Variants in BCAT1 observed in about 807,000 individuals in gnomAD.
BCAT1 encodes branched-chain-amino-acid aminotransferase, cytosolic.
In BCAT1, 48 loss-of-function variants were observed where a neutral mutation model predicts 52.4. The observed-to-expected ratio is 0.92, with a 90% confidence interval of 0.73 to 1.16. The LOEUF (loss-of-function observed/expected upper bound fraction) is 1.16, where lower values mean the gene tolerates loss of function less well. Ranked by LOEUF, BCAT1 falls within the 50% of genes most tolerant of loss-of-function variation. The pLI, the probability that BCAT1 is intolerant of heterozygous loss-of-function variation, is 0.00. For synonymous variants in BCAT1, 167 were observed against 161.3 expected (o/e 1.04, Z -0.27); for missense variants, 451 against 457.1 (o/e 0.99, Z 0.12).
At chr12:24,874,532 G>T (rs1447263842) in intron 5 of BCAT1, among the ~76,000 whole-genome samples, 1 of 152,158 alleles carries the variant, frequency 6.6e-6, no homozygotes, top group African/African-American at 2.4e-5. Context: ...CTGCCATTAG[G>T]ATGAAGTTTA....
At chr12:24,928,923 T>G (rs958435113) in intron 1 of BCAT1, among the ~76,000 whole-genome samples, 89 of 152,008 alleles carry the variant, frequency 5.9e-4, no homozygotes, top group Middle Eastern at 3.4e-3. Flanking sequence ...TTATTTTATT[T>G]TATTGTATTG....
intron 5 of BCAT1, among the ~76,000 whole-genome samples, chr12:24,866,231 C>T (rs1015836577): frequency 8.5e-5 from 13 of 152,220 alleles, no homozygotes; most frequent in African/African-American, 1.2e-4. Flanking sequence ...CCAGCAGCTG[C>T]GGAGGGTGCA....
chr12:24,837,585 C>T (rs758288445), intron 7 of BCAT1, among the ~76,000 whole-genome samples: 4 of 151,892 alleles, frequency 2.6e-5, no homozygotes, highest in Non-Finnish European at 5.9e-5. Flanking sequence ...CGCCACCACG[C>T]CTGGCTAATT....
intron 5 of BCAT1, among the ~76,000 whole-genome samples, chr12:24,859,424 T>A (rs1409053543): frequency 6.6e-6 from 1 of 151,904 alleles, no homozygotes; most frequent in African/African-American, 2.4e-5. Context: ...ATGGAGACCA[T>A]CCTGGCTAAC....
At chr12:24,866,667 G>C (rs1435779509) in intron 5 of BCAT1, among the ~76,000 whole-genome samples, 2 of 152,200 alleles carry the variant, frequency 1.3e-5, no homozygotes, top group Admixed American at 6.5e-5. Context: ...GCACCAGTCA[G>C]CACTCTGTGT....
intron 10 of BCAT1, among the ~76,000 whole-genome samples, chr12:24,826,019 C>T (rs1416131778): frequency 1.3e-5 from 2 of 152,080 alleles, no homozygotes; most frequent in Non-Finnish European, 2.9e-5. Flanking sequence ...CGAGACCAGC[C>T]TGGGCAAGAT....
chr12:24,913,278 T>C (rs1943358100), intron 1 of BCAT1, among the ~76,000 whole-genome samples: 1 of 152,088 alleles, frequency 6.6e-6, no homozygotes, highest in Admixed American at 6.5e-5. Flanking sequence ...TGAGACAAAA[T>C]AGAATAAAAA....
At chr12:24,900,478 C>T (rs545957172) in intron 2 of BCAT1, among the ~76,000 whole-genome samples, 1 of 152,154 alleles carries the variant, frequency 6.6e-6, no homozygotes, top group African/African-American at 2.4e-5. Flanking sequence ...GTCTCAGGTA[C>T]TTGAGAGGCT....
At chr12:24,941,372 A>C (rs1392106290) in intron 1 of BCAT1, among the ~76,000 whole-genome samples, 4 of 152,248 alleles carry the variant, frequency 2.6e-5, no homozygotes, top group African/African-American at 9.6e-5. Flanking sequence ...AATAGGCATT[A>C]AGACCGTGTA....
intron 6 of BCAT1, among the ~76,000 whole-genome samples, chr12:24,845,477 T>C (rs1941316677): frequency 6.6e-6 from 1 of 152,240 alleles, no homozygotes; most frequent in Admixed American, 6.5e-5. Flanking sequence ...AAATTACAAA[T>C]GCTTTTTAAT....
intron 5 of BCAT1, among the ~76,000 whole-genome samples, chr12:24,856,423 A>G (rs1941684472): frequency 1.3e-5 from 2 of 152,054 alleles, no homozygotes; most frequent in African/African-American, 4.8e-5. Flanking sequence ...TGAAATCCTA[A>G]CCCACGGTGT....
At chr12:24,910,543 A>C (rs138454870) in intron 1 of BCAT1, among the ~76,000 whole-genome samples, 1 of 152,188 alleles carries the variant, frequency 6.6e-6, no homozygotes, top group African/African-American at 2.4e-5. Context: ...ATAATAATAA[A>C]TCATGCCCAA....
chr12:24,835,854 A>G (rs116318607), intron 8 of BCAT1, among the ~76,000 whole-genome samples: 37,929 of 151,960 alleles, frequency 0.25, 4,849 homozygotes, highest in Non-Finnish European at 0.27. Context: ...GCCTCCCAAA[A>G]TGCTAGAATT....
intron 1 of BCAT1, among the ~76,000 whole-genome samples, chr12:24,939,114 T>G (rs760047106): frequency 6.6e-6 from 1 of 152,220 alleles, no homozygotes; most frequent in Non-Finnish European, 1.5e-5. Context: ...CCTCAAGTGA[T>G]CTGCCTGCCT....
intron 2 of BCAT1, among the ~76,000 whole-genome samples, chr12:24,896,103 C>T (rs751203443): frequency 7.2e-5 from 11 of 152,150 alleles, no homozygotes; most frequent in Non-Finnish European, 1.5e-4. Flanking sequence ...ATCTGCCTGC[C>T]TCGACCTCCC....
intron 2 of BCAT1, among the ~76,000 whole-genome samples, chr12:24,897,942 C>T (rs142478794): frequency 0.011 from 1,685 of 152,144 alleles, 35 homozygotes; most frequent in African/African-American, 0.038. Flanking sequence ...AATTCTGCAA[C>T]TCTGAAAACT....
At chr12:24,826,141 G>A (rs894387744) in intron 10 of BCAT1, among the ~76,000 whole-genome samples, 2 of 152,100 alleles carry the variant, frequency 1.3e-5, no homozygotes, top group African/African-American at 4.8e-5. Flanking sequence ...GAGCCCAGGA[G>A]GTCAATGCCA....
At chr12:24,858,349 T>A (rs1226085783) in intron 5 of BCAT1, among the ~76,000 whole-genome samples, 2 of 152,236 alleles carry the variant, frequency 1.3e-5, no homozygotes, top group African/African-American at 4.8e-5. Flanking sequence ...TTTTAATTCA[T>A]GGGACTTTAA....
Position 24,818,047 on chromosome 12 carries a change from A to G in BCAT1, c.1122T>C (p.Tyr374=), listed in dbSNP as rs756053143. 70 of 1,612,966 alleles carry G rather than the reference A, an allele frequency of 4.3e-5. No homozygotes were observed. Among genetic ancestry groups the G allele is most frequent in the Middle Eastern group, 3.3e-4 (2 of 6,070 alleles). Residue 374 remains tyrosine (Y), a splice_region_variant and synonymous_variant, in exon 11 of 11, where the codon TAT becomes TAC. Coordinates refer to ENST00000261192, the MANE Select transcript of BCAT1 (RefSeq NM_005504.7). ...RILSKLTDIQ[Y]GREESDWTIV... ...TTGTCCAGTCGCTCTCTTCTCTTCCATACTGCAACAAAAGCAAGAAAACGT... is the reference window on the plus strand; with the variant it reads ...TTGTCCAGTCGCTCTCTTCTCTTCCGTACTGCAACAAAAGCAAGAAAACGT...
Sources: gnomAD v4.1 joint callset for allele counts (sites outside exome capture counted in the v4.1 genomes callset) on GRCh38, gnomAD v4.1.1 for gene constraint, MANE v1.5 for transcripts, NCBI Gene and HGNC (gene_info 2026-07-23, HGNC 2026-07-21) for gene names.